The following JAKMIP2 variants were observed in gnomAD, a reference collection of about 807,000 sequenced individuals.
The protein encoded by JAKMIP2 is janus kinase and microtubule-interacting protein 2.
JAKMIP2 carries 25 observed loss-of-function variants against 115.0 expected under a neutral mutation model. That is an observed-to-expected ratio of 0.22 (90% confidence interval 0.16 to 0.30). The LOEUF is 0.30. Ranked by LOEUF, JAKMIP2 falls within the 10% of genes least tolerant of loss-of-function variation. The probability of loss-of-function intolerance (pLI) is 1.00; values close to 1 mark genes in which losing one functional copy is unlikely to be tolerated. For missense variants in JAKMIP2, 642 were observed against 957.6 expected (o/e 0.67, Z 4.35); for synonymous variants, 334 against 343.6 (o/e 0.97, Z 0.31).
Position 147,590,504 on chromosome 5 carries a change from G to A in JAKMIP2, c.*1203C>T, listed in dbSNP as rs1339202524. On this transcript the variant is annotated 3_prime_UTR_variant, in exon 22 of 22. Coordinates refer to ENST00000616793, the MANE Select transcript of JAKMIP2 (RefSeq NM_001270941.2). ...CTATCTTGTTGCTGTCATCTGTCTGGGAAAAAATGTTATCACTCTAAACAA... is the reference window on the plus strand; with the variant it reads ...CTATCTTGTTGCTGTCATCTGTCTGAGAAAAAATGTTATCACTCTAAACAA... 4 of 152,016 alleles carry A rather than the reference G, an allele frequency of 2.6e-5. No individual in the cohort carries two copies. Among genetic ancestry groups the A allele is most frequent in the African/African-American group, 9.7e-5 (4 of 41,386 alleles). The allele number at this position is 152,016 out of a possible 1,614,324, so 9.4% of individuals were successfully genotyped here.
intron 1 of JAKMIP2, among the ~76,000 whole-genome samples, chr5:147,684,174 A>T (rs1442613768): frequency 2.6e-5 from 4 of 152,150 alleles, no homozygotes; most frequent in Non-Finnish European, 5.9e-5. Context: ...CAGGAAAATC[A>T]CTTCAGGAAT....
chr5:147,634,463 A>G (rs1479137845), intron 12 of JAKMIP2, among the ~76,000 whole-genome samples: 3 of 152,202 alleles, frequency 2.0e-5, no homozygotes, highest in Non-Finnish European at 4.4e-5. Flanking sequence ...GGCCTAGTAA[A>G]CTTTCAAAAG....
At chr5:147,710,844 A>G (rs549616192) in intron 1 of JAKMIP2, among the ~76,000 whole-genome samples, 106 of 152,350 alleles carry the variant, frequency 7.0e-4, no homozygotes, top group Non-Finnish European at 1.2e-3. Flanking sequence ...AGGCAATATT[A>G]TTTTATATCT....
intron 21 of JAKMIP2, chr5:147,595,302 G>A (rs1168991817): frequency 2.9e-6 from 1 of 342,696 alleles, no homozygotes; most frequent in Non-Finnish European, 6.0e-6. Context: ...TAACAGGTGA[G>A]GCTTTTAGGA....
chr5:147,667,715 T>G (rs1447313986), intron 2 of JAKMIP2, among the ~76,000 whole-genome samples: 1 of 152,156 alleles, frequency 6.6e-6, no homozygotes, highest in Non-Finnish European at 1.5e-5. Context: ...GTGCAAAGGA[T>G]CCTATTTTTA....
At chr5:147,601,571 C>A (rs563368205) in intron 21 of JAKMIP2, among the ~76,000 whole-genome samples, 170 bp downstream of exon 21, 1 of 151,968 alleles carries the variant, frequency 6.6e-6, no homozygotes. Context: ...CCACTGTATT[C>A]CAGCCTGGGT....
intron 1 of JAKMIP2, among the ~76,000 whole-genome samples, chr5:147,678,068 G>A (rs955965883): frequency 2.6e-5 from 4 of 152,008 alleles, no homozygotes; most frequent in South Asian, 2.1e-4. Flanking sequence ...GCAGTGGTGC[G>A]AACTTGGCTT....
intron 1 of JAKMIP2, among the ~76,000 whole-genome samples, chr5:147,679,374 A>G (rs1261903665): frequency 6.6e-6 from 1 of 152,184 alleles, no homozygotes; most frequent in African/African-American, 2.4e-5. Flanking sequence ...TATGGCCACT[A>G]TTTACTGAGT....
chr5:147,650,547 T>C lies in JAKMIP2; in HGVS notation c.628A>G (p.Met210Val), dbSNP rs1487264071. The C allele has an allele frequency of 1.2e-6, 2 of 1,610,026 alleles. No individual in the cohort carries two copies. Among genetic ancestry groups the C allele is most frequent in the African/African-American group, 1.3e-5 (1 of 74,798 alleles). Residue 210 changes from methionine to valine, a missense_variant and splice_region_variant, in exon 4 of 22, where the codon ATG becomes GTG. Coordinates refer to ENST00000616793, the MANE Select transcript of JAKMIP2 (RefSeq NM_001270941.2). ...WESERDIRRL[M>V]DEIKAKDRII... ...CTGTCCTTGGCTTTGATTTCATCCA[T>C]CTGAATTAAATGAGACCCAGGACAT...
At chr5:147,672,708 C>T (rs1210409362) in intron 1 of JAKMIP2, among the ~76,000 whole-genome samples, 1 of 152,082 alleles carries the variant, frequency 6.6e-6, no homozygotes, top group Non-Finnish European at 1.5e-5. Flanking sequence ...ATAAGAAAGG[C>T]TCGCTGAAGA....
chr5:147,721,962 T>C (rs747058631), intron 1 of JAKMIP2, among the ~76,000 whole-genome samples: 7 of 152,154 alleles, frequency 4.6e-5, no homozygotes, highest in Non-Finnish European at 7.3e-5. Context: ...CTGGGACCTC[T>C]TAGGAAGCAG....
chr5:147,769,082 G>A (rs951964348), intron 1 of JAKMIP2, among the ~76,000 whole-genome samples: 4 of 152,062 alleles, frequency 2.6e-5, no homozygotes, highest in South Asian at 4.1e-4. Flanking sequence ...GAGTAGAGTA[G>A]TTCCTGCCTC....
chr5:147,595,143 TAATATTACTC>T (rs779819472), intron 21 of JAKMIP2, among the ~76,000 whole-genome samples: 30 of 152,212 alleles, frequency 2.0e-4, no homozygotes, highest in Non-Finnish European at 3.7e-4. Context: ...TTTACCTGTA[TAATATTACTC>T]AATCCTCAGA....
At chr5:147,659,496 C>G (rs1309409244) in intron 3 of JAKMIP2, among the ~76,000 whole-genome samples, 1 of 152,200 alleles carries the variant, frequency 6.6e-6, no homozygotes, top group Non-Finnish European at 1.5e-5. Context: ...TGGCCCCTCC[C>G]CTTCACGTTG....
intron 21 of JAKMIP2, among the ~76,000 whole-genome samples, chr5:147,598,062 G>A (rs1003987561): frequency 6.6e-5 from 10 of 151,544 alleles, no homozygotes; most frequent in African/African-American, 1.9e-4. Flanking sequence ...GCAATGGTGC[G>A]ATCTCAGCTC....
intron 1 of JAKMIP2, among the ~76,000 whole-genome samples, chr5:147,693,690 C>A (rs1751976223): frequency 6.6e-6 from 1 of 152,016 alleles, no homozygotes; most frequent in Admixed American, 6.6e-5. Context: ...TCCCTGCTTT[C>A]ATTCTTTTGA....
rs1430618128 is a variant in JAKMIP2 at position 147,612,032 on chromosome 5, G to T, written c.2412+274C>A. The T allele has an allele frequency of 5.1e-6, 3 of 588,204 alleles. No homozygotes were observed. In the East Asian group the frequency reaches 1.1e-4, roughly 21 times the overall value. The allele number at this position is 588,204 out of a possible 1,614,324, so 36.4% of individuals were successfully genotyped here. A position where few individuals can be genotyped will look rare whatever the true frequency, so the allele number is the denominator to read the frequency against. On this transcript the variant is annotated intron_variant, in intron 20 of 21. Transcript: ENST00000616793. ...AAAACTTGAAGAAACTTTTGGAAAG[G>T]AAATGAAGATAAGGAAGGGGAAACT...
intron 1 of JAKMIP2, among the ~76,000 whole-genome samples, chr5:147,747,109 T>A (rs1351741863): frequency 1.3e-5 from 2 of 152,136 alleles, no homozygotes; most frequent in Non-Finnish European, 2.9e-5. Flanking sequence ...TATTATTATT[T>A]TTAACCCAAT....
chr5:147,713,954 C>T (rs1391804905), intron 1 of JAKMIP2, among the ~76,000 whole-genome samples: 3 of 152,194 alleles, frequency 2.0e-5, no homozygotes, highest in Non-Finnish European at 2.9e-5. Flanking sequence ...ATCTGAAACC[C>T]TCTATTTAGA....
Sources: allele counts gnomAD v4.1 joint callset (sites outside exome capture counted in the v4.1 genomes callset), GRCh38; gene constraint gnomAD v4.1.1; transcripts MANE v1.5; gene names NCBI Gene and HGNC (gene_info 2026-07-23, HGNC 2026-07-21).